The following EFCAB6 variants were observed in gnomAD, a reference collection of about 807,000 sequenced individuals.
The protein encoded by EFCAB6 is EF-hand calcium binding domain 6, also known as EF-hand calcium-binding domain-containing protein 6.
A neutral mutation model predicts 169.8 loss-of-function variants in EFCAB6; 156 were observed. That is an observed-to-expected ratio of 0.92 (90% CI 0.81 to 1.05). The LOEUF is 1.05. Ranked by LOEUF, EFCAB6 falls within the 50% of genes least tolerant of loss-of-function variation. EFCAB6 has a pLI of 0.00. For missense variants in EFCAB6, 1,800 were observed against 1,829.1 expected, an observed-to-expected ratio of 0.98 and a Z score of 0.29; for synonymous variants, 698 against 676.4, an observed-to-expected ratio of 1.03 and a Z score of -0.50.
rs1272656906 is a variant in EFCAB6, at chr22:43,572,659, C to T, written c.3420+3638G>A. 6.6e-6 allele frequency among the ~76,000 whole-genome samples: 1 copy of T among 152,172 alleles called. No homozygotes were observed. Among genetic ancestry groups the T allele is most frequent in the African/African-American group, 2.4e-5 (1 of 41,448 alleles). ...CAGTCCCTTGCCCGATGTCACTGCT[C>T]ACTCCCTCCCCTCCTCGTCGCTCGG... On this transcript the variant is annotated intron_variant, in intron 26 of 31. Coordinates refer to ENST00000262726, the MANE Select transcript of EFCAB6 (RefSeq NM_022785.4). The surrounding 1 kb of genome is among the most constrained non-coding windows in gnomAD (Gnocchi z 4.0).
rs929483736 is a variant in EFCAB6 at position 43,786,657 on chromosome 22, T to C, written c.-7-4332A>G. On this transcript the variant is annotated intron_variant, in intron 2 of 31. Coordinates refer to ENST00000262726, the MANE Select transcript of EFCAB6 (RefSeq NM_022785.4). Reference sequence around the variant, plus strand: ...TGAACCCAGGAGGCAGAGTTTGCACTGAGCCAAGATCGCGCCACTGCACTC... The same window carrying C: ...TGAACCCAGGAGGCAGAGTTTGCACCGAGCCAAGATCGCGCCACTGCACTC... 2.0e-5 allele frequency among the ~76,000 whole-genome samples: 3 copies of C among 151,992 alleles called. No individual in the cohort carries two copies. In the South Asian group the frequency reaches 6.2e-4, roughly 32 times the overall value.
intron 8 of EFCAB6, among the ~76,000 whole-genome samples, chr22:43,725,448 G>C (rs531564548): frequency 6.6e-6 from 1 of 152,146 alleles, no homozygotes; most frequent in Non-Finnish European, 1.5e-5. Flanking sequence ...GCCCAAACTA[G>C]CTTTTATAAC....
intron 10 of EFCAB6, among the ~76,000 whole-genome samples, chr22:43,689,194 A>G (rs1478926408): frequency 6.7e-6 from 1 of 148,870 alleles, no homozygotes; most frequent in Non-Finnish European, 1.5e-5. Flanking sequence ...GCCATTGAGA[A>G]CAAAAAATTT....
At chr22:43,629,380 C>T (rs1248012767) in intron 19 of EFCAB6, among the ~76,000 whole-genome samples, 5 of 152,150 alleles carry the variant, frequency 3.3e-5, no homozygotes, top group South Asian at 2.1e-4. Context: ...TCAGGGTATC[C>T]AGCATAACAC....
At chr22:43,640,053 T>C (rs555149992) in intron 17 of EFCAB6, among the ~76,000 whole-genome samples, 1 of 152,332 alleles carries the variant, frequency 6.6e-6, no homozygotes, top group Admixed American at 6.5e-5. Context: ...TGAGTATATT[T>C]TCCTTTGTAT....
At chr22:43,789,770 G>A (rs2062210252) in intron 2 of EFCAB6, among the ~76,000 whole-genome samples, 1 of 151,906 alleles carries the variant, frequency 6.6e-6, no homozygotes, top group African/African-American at 2.4e-5. Flanking sequence ...ACGTAAGAGT[G>A]AATTAAGGAG....
At position 43,667,103 on chromosome 22, in the gene EFCAB6, C is replaced by A; in HGVS notation, c.1983+1G>T. On this transcript the variant is annotated splice_donor_variant, in intron 17 of 31. Coordinates refer to ENST00000262726, the MANE Select transcript of EFCAB6 (RefSeq NM_022785.4). LOFTEE classifies it high-confidence loss of function. ...AAACAAAGAGAAACCCATTCTCCTA[C>A]CTTCTTAAAGTCATGCACGTTAATT... 4 of 1,612,504 alleles carry A rather than the reference C, an allele frequency of 2.5e-6. No homozygotes were observed. The highest frequency in any genetic ancestry group is 3.4e-6 in the Non-Finnish European group (4 of 1,179,432).
At chr22:43,737,266 A>G (rs1446598598) in intron 6 of EFCAB6, among the ~76,000 whole-genome samples, 1 of 152,062 alleles carries the variant, frequency 6.6e-6, no homozygotes, top group Non-Finnish European at 1.5e-5. Context: ...TCCACCCCAT[A>G]CATCATCACT....
At chr22:43,764,420 T>A (rs79335891) in intron 5 of EFCAB6, among the ~76,000 whole-genome samples, 5,370 of 152,344 alleles carry the variant, frequency 0.035, 151 homozygotes, top group Middle Eastern at 0.075. Context: ...GTACCACATT[T>A]TAAAATTCAA....
chr22:43,729,896 C>T (rs981363099), intron 8 of EFCAB6, among the ~76,000 whole-genome samples: 6 of 152,048 alleles, frequency 3.9e-5, no homozygotes, highest in South Asian at 2.1e-4. Flanking sequence ...TGGCGGCATA[C>T]GCCTGTAATC....
At chr22:43,574,297 T>TA (rs34396880) in intron 26 of EFCAB6, among the ~76,000 whole-genome samples, 1 of 151,594 alleles carries the variant, frequency 6.6e-6, no homozygotes, top group Non-Finnish European at 1.5e-5. Flanking sequence ...CTCCACCATG[T>TA]AAAAAAATGC....
chr22:43,601,234 C>T (rs2052501478), intron 22 of EFCAB6, among the ~76,000 whole-genome samples: 2 of 152,066 alleles, frequency 1.3e-5, no homozygotes, highest in Admixed American at 6.5e-5. Flanking sequence ...AATTAGAACT[C>T]ATTAAAAAAG....
intron 22 of EFCAB6, among the ~76,000 whole-genome samples, chr22:43,601,062 G>A (rs556853903): frequency 6.6e-6 from 1 of 152,272 alleles, no homozygotes; most frequent in South Asian, 2.1e-4. Context: ...CTTAAAACTC[G>A]AATGAGTGAA....
chr22:43,788,590 G>T (rs1482308348), intron 2 of EFCAB6, among the ~76,000 whole-genome samples: 1 of 152,158 alleles, frequency 6.6e-6, no homozygotes, highest in Non-Finnish European at 1.5e-5. Flanking sequence ...ACAAGTATTG[G>T]CAAGATTATA....
At chr22:43,724,237 A>C (rs187197919) in intron 8 of EFCAB6, among the ~76,000 whole-genome samples, 75 of 152,300 alleles carry the variant, frequency 4.9e-4, no homozygotes, top group African/African-American at 1.8e-3. Context: ...TGGCATGGAT[A>C]CAATGCAGCC....
chr22:43,778,362 C>A (rs1372479362), intron 3 of EFCAB6, among the ~76,000 whole-genome samples: 1 of 152,202 alleles, frequency 6.6e-6, no homozygotes, highest in Non-Finnish European at 1.5e-5. Context: ...GCATGGCACA[C>A]GAGGTTTTGC....
At chr22:43,784,892 A>T (rs1419446277) in intron 2 of EFCAB6, among the ~76,000 whole-genome samples, 1 of 151,220 alleles carries the variant, frequency 6.6e-6, no homozygotes, top group Non-Finnish European at 1.5e-5. Context: ...AATTTTTTTT[A>T]AAAAGAAAGA....
At chr22:43,704,649 G>A (rs967609691) in intron 10 of EFCAB6, among the ~76,000 whole-genome samples, 2 of 151,540 alleles carry the variant, frequency 1.3e-5, no homozygotes, top group African/African-American at 4.9e-5. Context: ...AAGTGTAGAT[G>A]TGCTGTATGC....
chr22:43,537,401 C>T lies in EFCAB6; in HGVS notation c.4024G>A (p.Asp1342Asn), dbSNP rs1432720684. 20 of 1,613,898 alleles carry T rather than the reference C, an allele frequency of 1.2e-5. No individual in the cohort carries two copies. The highest frequency in any genetic ancestry group is 1.7e-5 in the Non-Finnish European group (20 of 1,179,968). Residue 1342 changes from aspartate to asparagine, a missense_variant, in exon 29 of 32, where the codon GAC becomes AAC. Asp to Asn is a conservative substitution (Grantham distance 23). Transcript: ENST00000262726. This position sits in a 1 kb window ranked among gnomAD's most constrained non-coding sequence, Gnocchi z 4.3. Reference sequence around the variant, plus strand: ...CCCAGGAAATCGGAGGCGTTGATGTCCCCCTGTCTGGCCACGTCCTTCTCC... The same window carrying T: ...CCCAGGAAATCGGAGGCGTTGATGTTCCCCTGTCTGGCCACGTCCTTCTCC... ...CKEKDVARQGDINASDFLALV... is the reference protein window; with the variant it reads ...CKEKDVARQGNINASDFLALV...
Sources: gnomAD v4.1 joint callset for allele counts (sites outside exome capture counted in the v4.1 genomes callset) on GRCh38, gnomAD v4.1.1 for gene constraint, Gnocchi (gnomAD v3.1) non-coding constraint, MANE v1.5 for transcripts, NCBI Gene and HGNC (gene_info 2026-07-23, HGNC 2026-07-21) for gene names.